UBIAD1: variants seen among roughly 807,000 people sequenced by gnomAD.
UBIAD1 encodes the protein ubiA prenyltransferase domain-containing protein 1.
A neutral mutation model predicts 20.1 loss-of-function variants in UBIAD1; 12 were observed. That is an observed-to-expected ratio of 0.60 (90% CI 0.38 to 0.97). The LOEUF is 0.97. UBIAD1 is among the 50% of genes least tolerant of loss of function. The probability of loss-of-function intolerance (pLI) is 0.00; values close to 1 mark genes in which losing one functional copy is unlikely to be tolerated. For missense variants in UBIAD1, 333 were observed against 419.5 expected, an observed-to-expected ratio of 0.79 and a Z score of 1.80; for synonymous variants, 207 against 189.2, an observed-to-expected ratio of 1.09 and a Z score of -0.77.
chr1:11,290,059 T>C (rs1427492376), downstream of UBIAD1, among the ~76,000 whole-genome samples: 1 of 151,928 alleles, frequency 6.6e-6, no homozygotes, highest in Non-Finnish European at 1.5e-5. Context: ...AGAGACGGGG[T>C]TTTACCATGT....
downstream of UBIAD1, chr1:11,295,975 CAT>C (rs1235629153): frequency 6.6e-6 from 1 of 152,204 alleles, no homozygotes; most frequent in Non-Finnish European, 1.5e-5. Flanking sequence ...ATGTGTGAGA[CAT>C]AGAGGCATAA....
chr1:11,295,878 A>G (rs553783782), downstream of UBIAD1: 3 of 152,362 alleles, frequency 2.0e-5, no homozygotes, highest in African/African-American at 7.2e-5. Context: ...CTACATGCAT[A>G]CATTATCCTG....
At position 11,281,680 on chromosome 1, in the gene UBIAD1, A is replaced by G. The variant is rs146485252; in HGVS notation, c.530-3964A>G. Among the ~76,000 whole-genome samples the G allele has an allele frequency of 2.6e-5, 4 of 152,216 alleles. No individual in the cohort carries two copies. The East Asian group carries it at 7.7e-4, about 29-fold the overall frequency. ...CCCCGTCATCATCCAGAACACTTCC[A>G]TCACCCCCAAAAGCTTCCCAGTGCT... On this transcript the variant is annotated intron_variant, in intron 1 of 1. Transcript: ENST00000376810.
intron 1 of UBIAD1, 56 bp downstream of exon 1, chr1:11,274,116 G>A: frequency 6.2e-7 from 1 of 1,604,242 alleles, no homozygotes; most frequent in African/African-American, 1.3e-5. Context: ...ACTGGAAACC[G>A]CTGCTTTGTA....
chr1:11,294,786 G>A (rs977808282), intron 1 of UBIAD1: 2 of 717,100 alleles, frequency 2.8e-6, no homozygotes, highest in African/African-American at 1.7e-5. Context: ...GCCTACCCAC[G>A]ATGATGGAGG....
chr1:11,295,148 C>T, exon 2 of UBIAD1: 2 of 543,468 alleles, frequency 3.7e-6, no homozygotes, highest in South Asian at 2.3e-5. Flanking sequence ...ATAGAATAAA[C>T]AACGACCACA....
exon 2 of UBIAD1, chr1:11,295,125 A>G: frequency 3.4e-6 from 2 of 581,274 alleles, no homozygotes; most frequent in Non-Finnish European, 6.2e-6. Flanking sequence ...GAGGAAGTTG[A>G]CACACGTGAA....
chr1:11,285,656 A>T lies in UBIAD1; in HGVS notation c.542A>T (p.Lys181Met). 1 of 1,614,184 alleles carries T rather than the reference A, an allele frequency of 6.2e-7. No individual in the cohort carries two copies. The highest frequency in any genetic ancestry group is 8.5e-7 in the Non-Finnish European group (1 of 1,180,036). The change falls in exon 2 of 2, where the codon AAG becomes ATG. Residue 181 changes from lysine (K) to methionine (M), a missense_variant. Lys to Met is a moderately conservative substitution (Grantham distance 95). This residue lies in a region of UBIAD1 where 226 missense variants were observed against 263.5 expected (regional missense o/e 0.86). Transcript: ENST00000376810. This position sits in a 1 kb window ranked among gnomAD's most constrained non-coding sequence, Gnocchi z 4.4. The stretch of plus-strand genomic sequence containing the variant: ...TTTCTGGCCGCAGGAATTGGATTCA[A>T]GTACGTGGCTCTGGGAGACCTCATC... Reference protein sequence around the residue: ...SFLYTGGIGFKYVALGDLIIL... With the variant: ...SFLYTGGIGFMYVALGDLIIL...
At chr1:11,280,898 A>G (rs192516046) in intron 1 of UBIAD1, among the ~76,000 whole-genome samples, 30 of 152,260 alleles carry the variant, frequency 2.0e-4, no homozygotes, top group African/African-American at 7.2e-4. Context: ...AGTCCTGCTT[A>G]GAACTCTTCA....
At chr1:11,276,399 C>T (rs974528738) in intron 1 of UBIAD1, among the ~76,000 whole-genome samples, 2 of 151,946 alleles carry the variant, frequency 1.3e-5, no homozygotes, top group East Asian at 1.9e-4. Flanking sequence ...TGCTGTGCCT[C>T]ATGCCTGTAA....
chr1:11,277,913 G>A (rs548027534), intron 1 of UBIAD1, among the ~76,000 whole-genome samples: 19 of 152,238 alleles, frequency 1.2e-4, no homozygotes, highest in Non-Finnish European at 2.4e-4. Flanking sequence ...CAAAGTGCTG[G>A]CATTAAAGGT....
At chr1:11,274,577 G>A (rs192379750) in intron 1 of UBIAD1, among the ~76,000 whole-genome samples, 1 of 151,272 alleles carries the variant, frequency 6.6e-6, no homozygotes, top group East Asian at 1.9e-4. Flanking sequence ...GATTACAGGC[G>A]TGAGCCACCG....
At chr1:11,296,531 T>G (rs905365796), downstream of UBIAD1, among the ~76,000 whole-genome samples, 9 of 152,078 alleles carry the variant, frequency 5.9e-5, no homozygotes, top group Non-Finnish European at 1.3e-4. Context: ...TCCCCCCCTT[T>G]GTTTTGAGAC....
At chr1:11,274,362 G>C (rs200751514) in intron 1 of UBIAD1, among the ~76,000 whole-genome samples, 4 of 151,466 alleles carry the variant, frequency 2.6e-5, no homozygotes, top group African/African-American at 7.3e-5. Context: ...GCAGTGGTGC[G>C]ATCTCGGCCC....
At chr1:11,298,679 G>A (rs577497496), downstream of UBIAD1, among the ~76,000 whole-genome samples, 45 of 152,282 alleles carry the variant, frequency 3.0e-4, no homozygotes, top group African/African-American at 1.0e-3. This position sits in a 1 kb window ranked among gnomAD's most constrained non-coding sequence, Gnocchi z 4.0. Context: ...CCTGCACCCC[G>A]CAGTGGTGCA....
intron 1 of UBIAD1, among the ~76,000 whole-genome samples, chr1:11,278,023 T>C (rs889336616): frequency 2.0e-5 from 3 of 152,176 alleles, no homozygotes; most frequent in African/African-American, 7.2e-5. Context: ...AGTGGTGCGA[T>C]CTCAGCTCAC....
chr1:11,293,221 G>A (rs1318483867), downstream of UBIAD1, among the ~76,000 whole-genome samples: 1 of 152,152 alleles, frequency 6.6e-6, no homozygotes, highest in Non-Finnish European at 1.5e-5. Flanking sequence ...CCAAGGGGCA[G>A]GGCTCTGTGT....
downstream of UBIAD1, among the ~76,000 whole-genome samples, chr1:11,290,133 T>C (rs558899906): frequency 6.6e-6 from 1 of 152,334 alleles, no homozygotes; most frequent in African/African-American, 2.4e-5. Flanking sequence ...CCCAAAGTGC[T>C]GAGATTACAG....
rs1048767438 is a variant in UBIAD1 at position 11,278,330 on chromosome 1, C to T, written c.529+4270C>T. ...CACTGCCATCTGACACTTCTTACCA[C>T]GCTTTCATCTTGTAAACCTGAATTA... On this transcript the variant is annotated intron_variant, in intron 1 of 1. Transcript: ENST00000376810. Among the ~76,000 whole-genome samples, 7 of 152,246 alleles carry T rather than the reference C, an allele frequency of 4.6e-5. No individual in the cohort carries two copies. The South Asian group carries it at 1.2e-3, about 27-fold the overall frequency.
Sources: gnomAD v4.1 joint callset for allele counts (sites outside exome capture counted in the v4.1 genomes callset) on GRCh38, gnomAD v4.1.1 for gene constraint, gnomAD v4.1.1 regional missense constraint, Gnocchi (gnomAD v3.1) non-coding constraint, MANE v1.5 for transcripts, NCBI Gene and HGNC (gene_info 2026-07-23, HGNC 2026-07-21) for gene names.